Variants in TIPIN observed in about 807,000 individuals in gnomAD.
TIPIN encodes TIMELESS-interacting protein.
TIPIN carries 29 observed loss-of-function variants against 35.6 expected under a neutral mutation model. The observed-to-expected ratio is 0.82, with a 90% CI of 0.61 to 1.11. The LOEUF is 1.11. Among genes scored for constraint, TIPIN ranks in the 50% most tolerant of loss-of-function variants. TIPIN has a pLI of 0.00. For missense variants in TIPIN, 296 were observed against 345.4 expected (o/e 0.86, Z 1.13); for synonymous variants, 102 against 121.5 (o/e 0.84, Z 1.06).
At chr15:66,375,047 A>C (rs1415341148) in intron 1 of TIPIN, among the ~76,000 whole-genome samples, 1 of 151,844 alleles carries the variant, frequency 6.6e-6, no homozygotes, top group Admixed American at 6.6e-5. Context: ...TGGATTGTCT[A>C]TCTCTTTTTG....
rs568651992 is a variant in TIPIN at position 66,355,975 on chromosome 15, A to G, written c.-9+664T>C. ...CTATTTGTAGTGAATAAGATGCTCA[A>G]TAGACGACTTTTACTCCTCGTCAAT... On this transcript the variant is annotated intron_variant, in intron 1 of 7. Coordinates refer to ENST00000261881, the MANE Select transcript of TIPIN (RefSeq NM_017858.3). Among the ~76,000 whole-genome samples the G allele has an allele frequency of 2.2e-4, 34 of 152,268 alleles. 1 individual carries two copies. The South Asian group carries it at 6.8e-3, about 31-fold the overall frequency.
chr15:66,352,910 G>A lies in TIPIN; in HGVS notation c.38C>T (p.Pro13Leu). Residue 13 changes from proline to leucine, a missense_variant, in exon 2 of 8, where the codon CCA becomes CTA. Pro to Leu is a moderately conservative substitution (Grantham distance 98). Coordinates refer to ENST00000261881, the MANE Select transcript of TIPIN (RefSeq NM_017858.3). ...TTCATCTTCTACATGCTCATAATCT[G>A]GTAGGTCAATCACGCCATTCTCCTG... ...EPQENGVIDLPDYEHVEDETF... is the reference protein window; with the variant it reads ...EPQENGVIDLLDYEHVEDETF... 6.2e-7 allele frequency: 1 copy of A among 1,614,004 alleles called. No individual in the cohort carries two copies.
upstream of TIPIN, among the ~76,000 whole-genome samples, chr15:66,358,913 G>A (rs1184604922): frequency 6.6e-6 from 1 of 151,916 alleles, no homozygotes; most frequent in African/African-American, 2.4e-5. Flanking sequence ...TGTGGTGGGT[G>A]CCTGCCTGTA....
In TIPIN at chr15:66,336,910, A is replaced by G. The variant is rs1328782593; in HGVS notation, c.*48T>C. On this transcript the variant is annotated 3_prime_UTR_variant, in exon 8 of 8. Transcript: ENST00000261881. ...GAAGAAAAAATACATAGTAACGCCA[A>G]GCTTGCAGGACGATGACTTAACAGA... The G allele has an allele frequency of 6.5e-7, 1 of 1,545,822 alleles. No individual in the cohort carries two copies. The highest frequency in any genetic ancestry group is 8.9e-7 in the Non-Finnish European group (1 of 1,128,152).
chr15:66,368,418 T>G (rs2093265964), intron 1 of TIPIN, among the ~76,000 whole-genome samples: 1 of 151,456 alleles, frequency 6.6e-6, no homozygotes. Context: ...CTTGGGAGGC[T>G]GAGACAAAAG....
intron 1 of TIPIN, among the ~76,000 whole-genome samples, chr15:66,362,051 C>T (rs1385704161): frequency 1.3e-5 from 2 of 151,836 alleles, no homozygotes; most frequent in Admixed American, 6.6e-5. Context: ...TGCCTGTAAT[C>T]CTAGCACTTG....
At chr15:66,351,316 G>C (rs1245592891) in intron 4 of TIPIN, among the ~76,000 whole-genome samples, 1 of 151,954 alleles carries the variant, frequency 6.6e-6, no homozygotes, top group Admixed American at 6.6e-5. Context: ...CTATAGCCAA[G>C]GTTTAAGCAG....
At chr15:66,378,117 C>T (rs541232436) in intron 1 of TIPIN, among the ~76,000 whole-genome samples, 3 of 152,326 alleles carry the variant, frequency 2.0e-5, no homozygotes, top group African/African-American at 4.8e-5. Context: ...ATTCTCCTGC[C>T]TCAGCCTCCT....
Position 66,341,272 on chromosome 15 carries a change from A to G in TIPIN, c.560T>C (p.Phe187Ser), listed in dbSNP as rs2093084504. 2 of 1,613,892 alleles carry G rather than the reference A, an allele frequency of 1.2e-6. No individual in the cohort carries two copies. The highest frequency in any genetic ancestry group is 1.3e-5 in the African/African-American group (1 of 74,940). ...FLTNLSESEMFASELSRSLTE... is the reference protein window; with the variant it reads ...FLTNLSESEMSASELSRSLTE... ...TAGGCTTCTACTTAACTCAGAAGCA[A>G]ACATCTCACTTTCAGATAAGTTTGT... The change falls in exon 7 of 8, where the codon TTT (phenylalanine) becomes TCT (serine). Residue 187 changes from phenylalanine (F) to serine (S), a missense_variant. By Grantham distance (155) the Phe-to-Ser change is radical (BLOSUM62 -2). Coordinates refer to ENST00000261881, the MANE Select transcript of TIPIN (RefSeq NM_017858.3).
intron 1 of TIPIN, among the ~76,000 whole-genome samples, chr15:66,364,767 G>A (rs1290058492): frequency 6.6e-6 from 1 of 151,806 alleles, no homozygotes; most frequent in Non-Finnish European, 1.5e-5. Flanking sequence ...AGGAGTTCGA[G>A]ACTAGCCTGA....
rs1196928297 is a variant in TIPIN, at chr15:66,385,226, C to T, written c.-9+1381G>A. On this transcript the variant is annotated intron_variant, in intron 1 of 7. Transcript: ENST00000562124. ...ACTGCCTCCCAGGTGTTCAAGCCCT[C>T]TTCATTTTCTCAGGTTCCTCAGCCT... Among the ~76,000 whole-genome samples, 9 of 152,196 alleles carry T rather than the reference C, an allele frequency of 5.9e-5. No homozygotes were observed. The East Asian group carries it at 1.7e-3, about 29-fold the overall frequency.
intron 1 of TIPIN, among the ~76,000 whole-genome samples, chr15:66,368,371 C>T (rs1030474732): frequency 5.5e-5 from 8 of 145,530 alleles, no homozygotes; most frequent in African/African-American, 1.8e-4. Context: ...AAAAAAAAAG[C>T]GCTGGGTATG....
chr15:66,379,877 T>C (rs2093311675), intron 1 of TIPIN: 3 of 1,588,408 alleles, frequency 1.9e-6, no homozygotes, highest in Non-Finnish European at 2.6e-6. Context: ...TGACATTTTC[T>C]GGAATGTCGA....
At chr15:66,369,539 G>C (rs908049551) in intron 1 of TIPIN, among the ~76,000 whole-genome samples, 1 of 151,274 alleles carries the variant, frequency 6.6e-6, no homozygotes, top group African/African-American at 2.4e-5. Flanking sequence ...TAGTAGAGAC[G>C]GGGTTTCACC....
At chr15:66,374,499 T>G (rs2093288961) in intron 1 of TIPIN, among the ~76,000 whole-genome samples, 1 of 152,082 alleles carries the variant, frequency 6.6e-6, no homozygotes, top group Non-Finnish European at 1.5e-5. Flanking sequence ...AACCTCTGCT[T>G]CCCAGGTTCA....
chr15:66,371,389 T>G (rs1243288482), intron 1 of TIPIN: 1 of 984,842 alleles, frequency 1.0e-6, no homozygotes, highest in Non-Finnish European at 1.2e-6. Context: ...AAGGCCTATA[T>G]CATTTTTTTC....
chr15:66,364,158 CTTTTT>C lies in TIPIN; in HGVS notation c.-8-11208_-8-11204del, dbSNP rs747825457. 2.6e-4 allele frequency among the ~76,000 whole-genome samples: 19 copies of C among 73,786 alleles called. 1 individual carries two copies. In the East Asian group the frequency reaches 8.0e-3, roughly 31 times the overall value. 48.4% of individuals were successfully genotyped at this position (73,786 alleles called of 152,430 possible). ...CATGCTATAGAGAAATCTTTCTTTT[CTTTTT>C]TTTTTTTTTTTTTTTTTTTGAGACA... On this transcript the variant is annotated intron_variant, in intron 1 of 7. Transcript: ENST00000562124.
intron 1 of TIPIN, chr15:66,386,277 G>A (rs963541528): frequency 1.3e-5 from 2 of 150,742 alleles, no homozygotes; most frequent in Admixed American, 1.3e-4. Flanking sequence ...GGGCAACTGA[G>A]GGAGACACCG....
At position 66,341,362 on chromosome 15, in the gene TIPIN, A is replaced by G; in HGVS notation, c.476-6T>C. On this transcript the variant is annotated splice_polypyrimidine_tract_variant and splice_region_variant and intron_variant, in intron 6 of 7. Transcript: ENST00000261881. The stretch of plus-strand genomic sequence containing the variant: ...ATTATTCTCCGCAACTTCATCTGCA[A>G]TAGAAAAGAAATAGTACATCTGTGG... 3.1e-6 allele frequency: 5 copies of G among 1,606,268 alleles called. No homozygotes were observed. Among genetic ancestry groups the G allele is most frequent in the South Asian group, 1.1e-5 (1 of 90,538 alleles).
Sources: allele counts gnomAD v4.1 joint callset (sites outside exome capture counted in the v4.1 genomes callset), GRCh38; gene constraint gnomAD v4.1.1; transcripts MANE v1.5; gene names NCBI Gene and HGNC (gene_info 2026-07-23, HGNC 2026-07-21).